CHD6: variants seen among roughly 807,000 people sequenced by gnomAD.
CHD6 encodes the protein ATP-dependent chromatin remodeler CHD6.
In CHD6, 50 loss-of-function variants were observed where a neutral mutation model predicts 276.9. The ratio of observed to expected loss-of-function variants is 0.18; its 90% CI spans 0.14 to 0.23. CHD6 has a LOEUF of 0.23. CHD6 is among the 10% of genes least tolerant of loss of function. CHD6 has a pLI of 1.00. For synonymous variants in CHD6, 1,173 were observed against 1,229.3 expected (o/e 0.95, Z 0.96); for missense variants, 2,564 against 3,365.8 (o/e 0.76, Z 5.89).
At chr20:41,468,801 G>C (rs970835319) in intron 17 of CHD6, among the ~76,000 whole-genome samples, 2 of 151,894 alleles carry the variant, frequency 1.3e-5, no homozygotes, top group Non-Finnish European at 2.9e-5. Context: ...GATCACTTGA[G>C]CTCAGGAGTT....
chr20:41,479,606 T>C (rs959202990), intron 16 of CHD6, among the ~76,000 whole-genome samples: 2 of 151,994 alleles, frequency 1.3e-5, no homozygotes, highest in African/African-American at 4.8e-5. Context: ...AAATATGACT[T>C]GGAGAAAACA....
intron 27 of CHD6, 23 bp downstream of exon 27, chr20:41,437,251 C>A: frequency 1.3e-6 from 2 of 1,581,320 alleles, no homozygotes; most frequent in Non-Finnish European, 1.7e-6. Context: ...GTGTAAATGA[C>A]CAATACTGCA....
At position 41,488,292 on chromosome 20, in the gene CHD6, G is replaced by A. The variant is rs2043467053; in HGVS notation, c.1857+136C>T. The A allele has an allele frequency of 3.7e-6, 3 of 809,010 alleles. No individual in the cohort carries two copies. In the South Asian group the frequency reaches 5.5e-5, roughly 15 times the overall value. The allele number at this position is 809,010 out of a possible 1,614,324, so 50.1% of individuals were successfully genotyped here. A position where few individuals can be genotyped will look rare whatever the true frequency, so the allele number is the denominator to read the frequency against. Reference sequence around the variant, plus strand: ...AAATCTTAATTCCTATACTATTGCAGTTATAGAGACCAAAAAAGAAAATCT... The same window carrying A: ...AAATCTTAATTCCTATACTATTGCAATTATAGAGACCAAAAAAGAAAATCT... On this transcript the variant is annotated intron_variant, in intron 13 of 36. Coordinates refer to ENST00000373233, the MANE Select transcript of CHD6 (RefSeq NM_032221.5).
At chr20:41,431,679 A>T (rs2145541773) in intron 27 of CHD6, among the ~76,000 whole-genome samples, 1 of 152,284 alleles carries the variant, frequency 6.6e-6, no homozygotes, top group Middle Eastern at 3.4e-3. Flanking sequence ...CTGGATAGTA[A>T]ATATGAAACA....
At chr20:41,546,904 A>T (rs1423089511) in intron 2 of CHD6, among the ~76,000 whole-genome samples, 1 of 152,196 alleles carries the variant, frequency 6.6e-6, no homozygotes, top group Non-Finnish European at 1.5e-5. Context: ...TAAACCCTTT[A>T]TTCTGGGCAC....
chr20:41,616,504 GCAAA>G (rs1395360282), intron 1 of CHD6, among the ~76,000 whole-genome samples: 1 of 152,068 alleles, frequency 6.6e-6, no homozygotes, highest in East Asian at 1.9e-4. Flanking sequence ...AGACTCCAAA[GCAAA>G]CAAAACGGTG....
chr20:41,416,720 C>T lies in CHD6; in HGVS notation c.6354G>A (p.Gln2118=). The part of the protein sequence containing the change: ...VLKGKWPSSQ[Q]YEPSGTLPTP... Reference sequence around the variant, plus strand: ...TGGGCAGTGTGCCTGAGGGCTCATACTGCTGGCTAGAGGGCCACTTCCCCT... The same window carrying T: ...TGGGCAGTGTGCCTGAGGGCTCATATTGCTGGCTAGAGGGCCACTTCCCCT... Residue 2118 remains glutamine (Q), a synonymous_variant, in exon 33 of 37, where the codon CAG becomes CAA. Transcript: ENST00000373233. 1 of 1,613,676 alleles carries T rather than the reference C, an allele frequency of 6.2e-7. No homozygotes were observed. Among genetic ancestry groups the T allele is most frequent in the Non-Finnish European group, 8.5e-7 (1 of 1,179,764 alleles).
chr20:41,591,375 TATATAC>T (rs1449792289), intron 1 of CHD6, among the ~76,000 whole-genome samples: 4 of 121,064 alleles, frequency 3.3e-5, no homozygotes, highest in Non-Finnish European at 4.8e-5. Context: ...CATATATATA[TATATAC>T]ACACACACAC....
rs1364357157 is a variant in CHD6 at position 41,452,325 on chromosome 20, C to A, written c.3324-300G>T. ...AAATTTGGAATCAAAAAGAGTCCAACAGCACTATTCAAAAGCAATGATGAG... is the reference window on the plus strand; with the variant it reads ...AAATTTGGAATCAAAAAGAGTCCAAAAGCACTATTCAAAAGCAATGATGAG... On this transcript the variant is annotated intron_variant, in intron 21 of 36. Transcript: ENST00000373233. The surrounding 1 kb of genome is among the most constrained non-coding windows in gnomAD (Gnocchi z 4.2). Among the ~76,000 whole-genome samples, 5 of 152,212 alleles carry A rather than the reference C, an allele frequency of 3.3e-5. No individual in the cohort carries two copies. The highest frequency in any genetic ancestry group is 3.3e-4 in the Admixed American group (5 of 15,288).
intron 3 of CHD6, among the ~76,000 whole-genome samples, chr20:41,521,394 A>T (rs1410459580): frequency 1.3e-5 from 2 of 152,124 alleles, no homozygotes; most frequent in African/African-American, 4.8e-5. Flanking sequence ...AAACGAGTGA[A>T]CGTATTGATG....
At chr20:41,600,335 G>A (rs568874382) in intron 1 of CHD6, among the ~76,000 whole-genome samples, 12 of 152,160 alleles carry the variant, frequency 7.9e-5, no homozygotes, top group South Asian at 4.1e-4. Context: ...AGCCAGATAC[G>A]AAACAGGACA....
In CHD6 at chr20:41,490,029, G is replaced by A; in HGVS notation, c.1437-8C>T. 1 of 1,611,814 alleles carries A rather than the reference G, an allele frequency of 6.2e-7. No individual in the cohort carries two copies. The highest frequency in any genetic ancestry group is 2.2e-5 in the East Asian group (1 of 44,854). ...GCCAAAATACAGTTTTTTCTGCAGA[G>A]AGTGAGAAATATAGGTAATTCATTA... On this transcript the variant is annotated splice_region_variant and splice_polypyrimidine_tract_variant and intron_variant, in intron 11 of 36. Coordinates refer to ENST00000373233, the MANE Select transcript of CHD6 (RefSeq NM_032221.5).
At position 41,473,410 on chromosome 20, in the gene CHD6, G is replaced by C; in HGVS notation, c.2576C>G (p.Thr859Ser). 6.2e-7 allele frequency: 1 copy of C among 1,614,116 alleles called. No individual in the cohort carries two copies. Among genetic ancestry groups the C allele is most frequent in the Non-Finnish European group, 8.5e-7 (1 of 1,179,996 alleles). Residue 859 changes from threonine (T) to serine (S), a missense_variant, in exon 17 of 37, where the codon ACC becomes AGC. Physicochemically the swap from Thr to Ser is moderately conservative, Grantham distance 58. Coordinates refer to ENST00000373233, the MANE Select transcript of CHD6 (RefSeq NM_032221.5). The surrounding 1 kb of genome is among the most constrained non-coding windows in gnomAD (Gnocchi z 4.1). ...ATTGATCCCCAGGCCTCCCGCTCTG[G>C]TGCACAGAAGAAAGACAAAGCGGTC... ...DSDRFVFLLC[T>S]RAGGLGINLT...
chr20:41,581,190 A>G (rs891731649), intron 1 of CHD6, among the ~76,000 whole-genome samples: 1 of 152,232 alleles, frequency 6.6e-6, no homozygotes, highest in Admixed American at 6.5e-5. Flanking sequence ...CATCATAATC[A>G]TCCCATGAGA....
intron 26 of CHD6, among the ~76,000 whole-genome samples, chr20:41,439,220 G>A (rs1344154729): frequency 1.3e-5 from 2 of 152,212 alleles, no homozygotes; most frequent in South Asian, 2.1e-4. Flanking sequence ...GCTGGGCATG[G>A]TGGCACGTGC....
At chr20:41,580,685 T>A (rs1029047175) in intron 1 of CHD6, among the ~76,000 whole-genome samples, 23 of 132,302 alleles carry the variant, frequency 1.7e-4, no homozygotes, top group African/African-American at 6.4e-4. Context: ...AAAAAATACA[T>A]CTATTGAACA....
intron 23 of CHD6, among the ~76,000 whole-genome samples, chr20:41,450,031 C>A (rs1388722455): frequency 3.9e-5 from 6 of 152,074 alleles, no homozygotes; most frequent in Non-Finnish European, 8.8e-5. Flanking sequence ...CTTTTGTGTA[C>A]ATTAGTTTTT....
At chr20:41,548,824 T>C (rs1317853957) in intron 2 of CHD6, among the ~76,000 whole-genome samples, 1 of 150,766 alleles carries the variant, frequency 6.6e-6, no homozygotes, top group African/African-American at 2.4e-5. Context: ...CATCAAAAAG[T>C]AGGCAAAGGA....
rs1379925330 is a variant in CHD6 at position 41,483,324 on chromosome 20, T to C, written c.2453A>G (p.Tyr818Cys). 1 of 1,612,660 alleles carries C rather than the reference T, an allele frequency of 6.2e-7. No individual in the cohort carries two copies. Among genetic ancestry groups the C allele is most frequent in the Non-Finnish European group, 8.5e-7 (1 of 1,179,374 alleles). Reference protein sequence around the residue: ...MVRCLDILEDYLIQRRYTYER... With the variant: ...MVRCLDILEDCLIQRRYTYER... ...CAAGTCTCACCTTCTCTGGATGAGG[T>C]AATCTTCTAGGATGTCGAGGCAGCG... The change falls in exon 16 of 37, where the codon TAC becomes TGC. Residue 818 changes from tyrosine to cysteine, a missense_variant. By Grantham distance (194) the Tyr-to-Cys change is radical. This residue lies in a region of CHD6 where 457 missense variants were observed against 889.0 expected (regional missense o/e 0.51). Coordinates refer to ENST00000373233, the MANE Select transcript of CHD6 (RefSeq NM_032221.5).
Sources: gnomAD v4.1 joint callset for allele counts (sites outside exome capture counted in the v4.1 genomes callset) on GRCh38, gnomAD v4.1.1 for gene constraint, gnomAD v4.1.1 regional missense constraint, Gnocchi (gnomAD v3.1) non-coding constraint, MANE v1.5 for transcripts, NCBI Gene and HGNC (gene_info 2026-07-23, HGNC 2026-07-21) for gene names.